The following GOLM1 variants were observed in gnomAD, a reference collection of about 807,000 sequenced individuals.
GOLM1 encodes golgi membrane protein 1, also known as epididymis luminal protein 46.
In GOLM1, 31 loss-of-function variants were observed where a neutral mutation model predicts 50.5. That is an observed-to-expected ratio of 0.61 (90% CI 0.46 to 0.83). The LOEUF (loss-of-function observed/expected upper bound fraction) is 0.83. Ranked by LOEUF, GOLM1 falls within the 40% of genes least tolerant of loss-of-function variation. The pLI is 0.00. For synonymous variants in GOLM1, 178 were observed against 192.8 expected (o/e 0.92, Z 0.64); for missense variants, 491 against 501.3 (o/e 0.98, Z 0.20).
At chr9:86,057,441 G>T (rs1834025131) in intron 3 of GOLM1, among the ~76,000 whole-genome samples, 1 of 152,086 alleles carries the variant, frequency 6.6e-6, no homozygotes, top group South Asian at 2.1e-4. Flanking sequence ...AGTGAAACAG[G>T]AGTGCTTTAT....
intron 1 of GOLM1, chr9:86,079,789 T>C (rs993619742): frequency 8.5e-5 from 13 of 153,232 alleles, no homozygotes; most frequent in African/African-American, 2.9e-4. Context: ...CGCATCATAT[T>C]AGAAAGAGTA....
At chr9:86,027,917 T>C in intron 9 of GOLM1, 24 bp from the exon 10 acceptor site, 7 of 1,336,390 alleles carry the variant, frequency 5.2e-6, no homozygotes, top group Non-Finnish European at 7.5e-6. Flanking sequence ...ACACATAATA[T>C]TCTATAGAGT....
At chr9:86,064,773 G>A (rs1291326878) in intron 3 of GOLM1, among the ~76,000 whole-genome samples, 2 of 152,200 alleles carry the variant, frequency 1.3e-5, no homozygotes. Context: ...GACACTGTGG[G>A]GGACAGCGCT....
At chr9:86,052,698 G>C (rs1833796192) in intron 3 of GOLM1, 107 bp from the exon 4 acceptor site, 1 of 915,298 alleles carries the variant, frequency 1.1e-6, no homozygotes, top group African/African-American at 1.7e-5. Context: ...CAGCGCTGCT[G>C]TCAGGGAAGG....
rs538585631 is a variant in GOLM1, at chr9:86,069,127, T to C, written c.309+8285A>G. 1.6e-3 allele frequency among the ~76,000 whole-genome samples: 233 copies of C among 144,862 alleles called. 1 individual carries two copies. Among genetic ancestry groups the C allele is most frequent in the African/African-American group, 5.8e-3 (211 of 36,084 alleles). On this transcript the variant is annotated intron_variant, in intron 3 of 9. Coordinates refer to ENST00000388712, the MANE Select transcript of GOLM1 (RefSeq NM_016548.4). The stretch of plus-strand genomic sequence containing the variant: ...AAGTAGTAACTAATAAAAGCTTACA[T>C]GTAATCTCTATTTTTTTTTTTAAAG...
At chr9:86,066,849 C>A (rs1403961207) in intron 3 of GOLM1, among the ~76,000 whole-genome samples, 1 of 152,146 alleles carries the variant, frequency 6.6e-6, no homozygotes, top group Non-Finnish European at 1.5e-5. Context: ...CACCCCCAAG[C>A]CTTTGTGGCC....
At chr9:86,053,994 A>G (rs1286234402) in intron 3 of GOLM1, among the ~76,000 whole-genome samples, 1 of 152,124 alleles carries the variant, frequency 6.6e-6, no homozygotes, top group East Asian at 1.9e-4. Flanking sequence ...TTCCACTAAC[A>G]AGACCTCTCG....
At chr9:86,036,170 A>G (rs1474696629) in intron 7 of GOLM1, among the ~76,000 whole-genome samples, 178 bp downstream of exon 7, 1 of 152,032 alleles carries the variant, frequency 6.6e-6, no homozygotes, top group Non-Finnish European at 1.5e-5. Context: ...GTTTACAAGG[A>G]GGAGACATCT....
At chr9:86,080,809 CT>C (rs78601382) in intron 1 of GOLM1, among the ~76,000 whole-genome samples, 5,989 of 152,266 alleles carry the variant, frequency 0.039, 316 homozygotes, top group East Asian at 0.27. Context: ...CAATTATCAG[CT>C]GATATCAGCA....
chr9:86,073,118 T>C (rs1834498378), intron 3 of GOLM1, among the ~76,000 whole-genome samples: 1 of 152,170 alleles, frequency 6.6e-6, no homozygotes, highest in Non-Finnish European at 1.5e-5. Context: ...AAAGATAACC[T>C]TGACAATGCA....
chr9:86,035,681 A>AG, intron 7 of GOLM1, 56 bp from the exon 8 acceptor site: 2 of 1,468,084 alleles, frequency 1.4e-6, no homozygotes, highest in East Asian at 2.3e-5. Context: ...TAAAAAAAAA[A>AG]AAAAAAAAAA....
intron 3 of GOLM1, among the ~76,000 whole-genome samples, chr9:86,065,636 C>G (rs1244269500): frequency 6.6e-6 from 1 of 152,184 alleles, no homozygotes; most frequent in East Asian, 1.9e-4. Context: ...CCACGCCGGC[C>G]ACTCTCAGGT....
chr9:86,027,714 C>CATTTT lies in GOLM1; in HGVS notation c.*98_*102dup. ...TTCACAATAATCATCTTCAGATGTA[C>CATTTT]ATTTTATTTAGTACATTTCACAGTT... On this transcript the variant is annotated 3_prime_UTR_variant, in exon 10 of 10. Coordinates refer to ENST00000388712, the MANE Select transcript of GOLM1 (RefSeq NM_016548.4). 1 of 1,461,998 alleles carries CATTTT rather than the reference C, an allele frequency of 6.8e-7. No homozygotes were observed. Among genetic ancestry groups the CATTTT allele is most frequent in the Non-Finnish European group, 9.0e-7 (1 of 1,105,064 alleles). 90.6% of individuals were successfully genotyped at this position (1,461,998 alleles called of 1,614,324 possible). A position where few individuals can be genotyped will look rare whatever the true frequency, so the allele number is the denominator to read the frequency against.
At chr9:86,056,509 T>C (rs376647444) in intron 3 of GOLM1, among the ~76,000 whole-genome samples, 51,634 of 142,832 alleles carry the variant, frequency 0.36, 9,451 homozygotes, top group Non-Finnish European at 0.48. Flanking sequence ...TTTAAATTTT[T>C]TTTTTTTTTT....
At chr9:86,056,534 T>A in intron 3 of GOLM1, among the ~76,000 whole-genome samples, 1 of 150,096 alleles carries the variant, frequency 6.7e-6, no homozygotes, top group Non-Finnish European at 1.5e-5. Context: ...TGAGACGAAG[T>A]CTCGCCTGTC....
chr9:86,030,218 C>CAAAAAAA (rs35215928), intron 9 of GOLM1, among the ~76,000 whole-genome samples: 79 of 73,350 alleles, frequency 1.1e-3, no homozygotes, highest in East Asian at 1.4e-3. Context: ...GACTCTGTCT[C>CAAAAAAA]AAAAAAAAAA....
chr9:86,086,525 G>C (rs536097505), intron 1 of GOLM1, among the ~76,000 whole-genome samples: 3 of 152,168 alleles, frequency 2.0e-5, no homozygotes, highest in African/African-American at 7.2e-5. Context: ...TTTTAGTCAT[G>C]AAGTCTTTGC....
intron 5 of GOLM1, among the ~76,000 whole-genome samples, chr9:86,045,665 T>G (rs1587705148): frequency 7.6e-6 from 1 of 132,006 alleles, no homozygotes; most frequent in Non-Finnish European, 1.5e-5. Flanking sequence ...ACAGCGAGAC[T>G]CCGCTCAAGA....
At chr9:86,059,829 G>A (rs573704365) in intron 3 of GOLM1, among the ~76,000 whole-genome samples, 45 of 151,052 alleles carry the variant, frequency 3.0e-4, no homozygotes, top group African/African-American at 9.8e-4. Context: ...GAACCCAGGA[G>A]GTGGAGGTTG....
Sources: gnomAD v4.1 joint callset for allele counts (sites outside exome capture counted in the v4.1 genomes callset) on GRCh38, gnomAD v4.1.1 for gene constraint, MANE v1.5 for transcripts, NCBI Gene and HGNC (gene_info 2026-07-23, HGNC 2026-07-21) for gene names.